WNK2: variants seen among roughly 807,000 people sequenced by gnomAD.
WNK2 encodes the protein WNK lysine deficient protein kinase 2, also known as serine/threonine-protein kinase WNK2.
Under a neutral mutation model 192.1 loss-of-function variants are expected in WNK2, and 67 were observed. The ratio of observed to expected loss-of-function variants is 0.35; its 90% confidence interval spans 0.29 to 0.43. The LOEUF (loss-of-function observed/expected upper bound fraction) is 0.43, where lower values mean the gene tolerates loss of function less well. WNK2 is among the 20% of genes least tolerant of loss of function. The pLI is 1.00. For missense variants in WNK2, 2,698 were observed against 3,089.7 expected (o/e 0.87, Z 3.01); for synonymous variants, 1,439 against 1,393.9 (o/e 1.03, Z -0.72).
chr9:93,267,803 G>A lies in WNK2; in HGVS notation c.3754G>A (p.Asp1252Asn), dbSNP rs935482415. 1 of 1,612,196 alleles carries A rather than the reference G, an allele frequency of 6.2e-7. No individual in the cohort carries two copies. The highest frequency in any genetic ancestry group is 1.7e-5 in the Admixed American group (1 of 59,816). ...GGAAACGTTCATCGAGCAGATGAAGGATGTCATGGACAAGGCAGAGGACAT... is the reference window on the plus strand; with the variant it reads ...GGAAACGTTCATCGAGCAGATGAAGAATGTCATGGACAAGGCAGAGGACAT... ...ERETFIEQMKDVMDKAEDMLS... is the reference protein window; with the variant it reads ...ERETFIEQMKNVMDKAEDMLS... Residue 1252 changes from aspartate (D) to asparagine (N), a missense_variant, in exon 17 of 30, where the codon GAT becomes AAT. By Grantham distance (23) the Asp-to-Asn change is conservative (BLOSUM62 1). This residue lies in a region of WNK2 where 1,098 missense variants were observed against 1,101.0 expected (regional missense o/e 1.00). Transcript: ENST00000427277.
At chr9:93,285,563 G>T (rs535461451) in intron 19 of WNK2, among the ~76,000 whole-genome samples, 4 of 152,220 alleles carry the variant, frequency 2.6e-5, no homozygotes, top group East Asian at 1.9e-4. Flanking sequence ...AACATTGAGA[G>T]AAATTTTAAA....
intron 21 of WNK2, 63 bp downstream of exon 21, chr9:93,290,110 C>A: frequency 7.0e-7 from 1 of 1,435,936 alleles, no homozygotes; most frequent in Non-Finnish European, 9.5e-7. Flanking sequence ...GCCCCAGAAC[C>A]TTCTGCATCC....
chr9:93,225,914 A>ATGTTGTGTTGTGTTGTGTTGTGTTG (rs35020803), intron 2 of WNK2, among the ~76,000 whole-genome samples: 44 of 150,970 alleles, frequency 2.9e-4, no homozygotes, highest in African/African-American at 1.1e-3. Flanking sequence ...CTGTTGTGTT[A>ATGTTGTGTTGTGTTGTGTTGTGTTG]TGTTGTGTTG....
intron 7 of WNK2, among the ~76,000 whole-genome samples, chr9:93,242,356 A>G (rs1471526561): frequency 6.6e-6 from 1 of 152,148 alleles, no homozygotes; most frequent in Non-Finnish European, 1.5e-5. Context: ...GAGCAGATCT[A>G]ATGGGGTTGA....
chr9:93,272,358 T>C (rs888897402), intron 19 of WNK2, among the ~76,000 whole-genome samples: 1 of 152,212 alleles, frequency 6.6e-6, no homozygotes, highest in South Asian at 2.1e-4. Context: ...AAGTTAAGTA[T>C]ATATTTTGGA....
chr9:93,234,145 A>C (rs1839403508), intron 4 of WNK2, among the ~76,000 whole-genome samples: 1 of 152,200 alleles, frequency 6.6e-6, no homozygotes, highest in Non-Finnish European at 1.5e-5. Context: ...CATGTCCTTA[A>C]AAATTCAGTG....
intron 29 of WNK2, chr9:93,318,510 A>G (rs757265933): frequency 1.2e-6 from 2 of 1,614,108 alleles, no homozygotes; most frequent in East Asian, 4.5e-5. Flanking sequence ...CCGCCAGAAA[A>G]CGTTAGGTGA....
intron 28 of WNK2, among the ~76,000 whole-genome samples, chr9:93,310,533 C>T (rs978706479): frequency 1.3e-5 from 2 of 152,052 alleles, no homozygotes; most frequent in Non-Finnish European, 2.9e-5. Flanking sequence ...ACATTCAGAG[C>T]ATTGTTTAAC....
chr9:93,250,271 C>T (rs967845336), intron 8 of WNK2, among the ~76,000 whole-genome samples: 9 of 152,192 alleles, frequency 5.9e-5, no homozygotes, highest in Admixed American at 6.5e-5. Context: ...CGTGTGTGTA[C>T]ACAGGCACGC....
chr9:93,202,334 GT>G (rs1563976269), intron 2 of WNK2, among the ~76,000 whole-genome samples: 39 of 125,390 alleles, frequency 3.1e-4, no homozygotes, highest in African/African-American at 1.3e-3. Flanking sequence ...ACGTGTGTGT[GT>G]GTGTGTGTGT....
chr9:93,195,122 A>G (rs1831007115), intron 2 of WNK2, among the ~76,000 whole-genome samples: 1 of 152,182 alleles, frequency 6.6e-6, no homozygotes, highest in African/African-American at 2.4e-5. Flanking sequence ...ATGATACTTT[A>G]CTGGTGAATA....
intron 12 of WNK2, among the ~76,000 whole-genome samples, chr9:93,260,880 A>T (rs2132927964): frequency 6.6e-6 from 1 of 152,124 alleles, no homozygotes. Flanking sequence ...CAGGAGGGGG[A>T]CCTTGCTGTC....
intron 28 of WNK2, among the ~76,000 whole-genome samples, chr9:93,310,314 C>T (rs1477569038): frequency 5.3e-5 from 8 of 152,218 alleles, no homozygotes; most frequent in Non-Finnish European, 7.3e-5. Flanking sequence ...GGAGCCTGGG[C>T]AGGCTCATCT....
rs901567718 is a variant in WNK2 at position 93,239,665 on chromosome 9, G to T, written c.1323-92G>T. 1 of 1,163,028 alleles carries T rather than the reference G, an allele frequency of 8.6e-7. No homozygotes were observed. 72.0% of individuals were successfully genotyped at this position (1,163,028 alleles called of 1,614,324 possible). A position where few individuals can be genotyped will look rare whatever the true frequency, so the allele number is the denominator to read the frequency against. On this transcript the variant is annotated intron_variant, in intron 6 of 29. Coordinates refer to ENST00000427277, the MANE Select transcript of WNK2 (RefSeq NM_006648.4). The surrounding 1 kb of genome is among the most constrained non-coding windows in gnomAD (Gnocchi z 4.2). Reference sequence around the variant, plus strand: ...CCTGGCCTCAGGCTCCTGCAGGTGTGCCTGTCCTTGTCCTGGTGCGCATGG... The same window carrying T: ...CCTGGCCTCAGGCTCCTGCAGGTGTTCCTGTCCTTGTCCTGGTGCGCATGG...
chr9:93,309,900 C>G (rs537363366), intron 28 of WNK2, among the ~76,000 whole-genome samples: 3 of 152,252 alleles, frequency 2.0e-5, no homozygotes, highest in South Asian at 2.1e-4. Flanking sequence ...TTTCATTAAC[C>G]TTTGTTTGAA....
chr9:93,196,707 T>C (rs573049362), intron 2 of WNK2, among the ~76,000 whole-genome samples: 1 of 152,346 alleles, frequency 6.6e-6, no homozygotes, highest in Non-Finnish European at 1.5e-5. Context: ...TGCTTGTATC[T>C]GGGAAAAGCT....
chr9:93,315,138 C>T (rs889711394), intron 28 of WNK2, among the ~76,000 whole-genome samples: 1 of 152,180 alleles, frequency 6.6e-6, no homozygotes, highest in Non-Finnish European at 1.5e-5. Context: ...CGTTTCATGT[C>T]GCTATAGTTC....
chr9:93,227,082 T>C (rs1045766005), intron 2 of WNK2, among the ~76,000 whole-genome samples: 15 of 150,924 alleles, frequency 9.9e-5, no homozygotes, highest in Non-Finnish European at 1.5e-4. Flanking sequence ...TGGGGCCCAC[T>C]GTTCCCCAGC....
chr9:93,276,867 C>T (rs548527252), intron 19 of WNK2, among the ~76,000 whole-genome samples: 2 of 152,234 alleles, frequency 1.3e-5, no homozygotes, highest in African/African-American at 2.4e-5. Flanking sequence ...GAAACCCCAT[C>T]TCTACTAAAA....
Sources: allele counts gnomAD v4.1 joint callset (sites outside exome capture counted in the v4.1 genomes callset), GRCh38; gene constraint gnomAD v4.1.1; regional missense constraint gnomAD v4.1.1; non-coding constraint Gnocchi (gnomAD v3.1); transcripts MANE v1.5; gene names NCBI Gene and HGNC (gene_info 2026-07-23, HGNC 2026-07-21).